The following CAPZB variants were observed in gnomAD, a reference collection of about 807,000 sequenced individuals.
The protein encoded by CAPZB is capping actin protein of muscle Z-line subunit beta, also known as F-actin-capping protein subunit beta.
CAPZB carries 2 observed loss-of-function variants against 38.1 expected under a neutral mutation model. That is an observed-to-expected ratio of 0.05 (90% CI 0.02 to 0.17). The LOEUF (loss-of-function observed/expected upper bound fraction) is 0.17, where lower values mean the gene tolerates loss of function less well. Among genes scored for constraint, CAPZB ranks in the 10% least tolerant of loss-of-function variants. The pLI, the probability that CAPZB is intolerant of heterozygous loss-of-function variation, is 1.00. For missense variants in CAPZB, 161 were observed against 334.2 expected, an observed-to-expected ratio of 0.48 and a Z score of 4.04; for synonymous variants, 107 against 127.4, an observed-to-expected ratio of 0.84 and a Z score of 1.08.
At chr1:19,440,805 A>G (rs2094473504) in intron 1 of CAPZB, among the ~76,000 whole-genome samples, 1 of 152,230 alleles carries the variant, frequency 6.6e-6, no homozygotes, top group Non-Finnish European at 1.5e-5. Flanking sequence ...TCACGCCTGT[A>G]ATCCCAGCAC....
chr1:19,387,555 G>C (rs2094210564), intron 2 of CAPZB, among the ~76,000 whole-genome samples: 1 of 152,204 alleles, frequency 6.6e-6, no homozygotes, highest in African/African-American at 2.4e-5. Context: ...TGCTGCCTTG[G>C]CTTATCTGTT....
At position 19,449,169 on chromosome 1, in the gene CAPZB, T is replaced by A. The variant is rs1570302786; in HGVS notation, c.4-29419A>T. 2.3e-6 allele frequency: 3 copies of A among 1,298,538 alleles called. No homozygotes were observed. In the East Asian group the frequency reaches 9.3e-5, roughly 40 times the overall value. The allele number at this position is 1,298,538 out of a possible 1,614,324, so 80.4% of individuals were successfully genotyped here. A position where few individuals can be genotyped will look rare whatever the true frequency, so the allele number is the denominator to read the frequency against. On this transcript the variant is annotated intron_variant, in intron 1 of 8. Coordinates refer to ENST00000264202, the MANE Select transcript of CAPZB (RefSeq NM_004930.5). Reference sequence around the variant, plus strand: ...TCTGTAAGGCTGATAACGCACAAAGTGCACTGCGGTGTCTCTGAGCAGGCC... The same window carrying A: ...TCTGTAAGGCTGATAACGCACAAAGAGCACTGCGGTGTCTCTGAGCAGGCC...
intron 1 of CAPZB, among the ~76,000 whole-genome samples, chr1:19,425,794 G>GA (rs1396649982): frequency 2.0e-5 from 3 of 152,180 alleles, no homozygotes. Flanking sequence ...CTGCATACAG[G>GA]AAAACTTGGC....
chr1:19,365,207 A>C (rs776861302), intron 4 of CAPZB, among the ~76,000 whole-genome samples: 1 of 152,172 alleles, frequency 6.6e-6, no homozygotes, highest in Non-Finnish European at 1.5e-5. Context: ...AGAACTTGGT[A>C]GACTGGACCC....
chr1:19,392,875 A>G (rs900959588), intron 2 of CAPZB, among the ~76,000 whole-genome samples: 2 of 152,248 alleles, frequency 1.3e-5, no homozygotes, highest in African/African-American at 4.8e-5. Context: ...ACATGCTGGG[A>G]AAGGCCTCCC....
chr1:19,431,557 T>TAA (rs534456957), intron 1 of CAPZB, among the ~76,000 whole-genome samples: 2,374 of 149,848 alleles, frequency 0.016, 30 homozygotes, highest in Admixed American at 0.027. Flanking sequence ...CCGTCTCTAC[T>TAA]AAAAATACAA....
intron 4 of CAPZB, among the ~76,000 whole-genome samples, chr1:19,375,986 C>T (rs912722961): frequency 1.3e-5 from 2 of 152,114 alleles, no homozygotes; most frequent in African/African-American, 4.8e-5. Context: ...CATATGTGAA[C>T]GATGAGATGG....
chr1:19,475,120 G>A (rs1271179141), intron 1 of CAPZB, among the ~76,000 whole-genome samples: 2 of 152,120 alleles, frequency 1.3e-5, no homozygotes, highest in Non-Finnish European at 1.5e-5. Context: ...TAATAACATC[G>A]TGTTGTGGTT....
chr1:19,416,732 C>A (rs2094380868), intron 2 of CAPZB, among the ~76,000 whole-genome samples: 1 of 151,602 alleles, frequency 6.6e-6, no homozygotes, highest in African/African-American at 2.4e-5. Context: ...TGGTGGTGGG[C>A]GCCTGTTGTC....
chr1:19,339,234 G>C lies in CAPZB; in HGVS notation c.*296C>G. The C allele has an allele frequency of 2.4e-6, 1 of 412,932 alleles. No homozygotes were observed. The highest frequency in any genetic ancestry group is 4.4e-6 in the Non-Finnish European group (1 of 228,304). The allele number at this position is 412,932 out of a possible 1,614,324, so 25.6% of individuals were successfully genotyped here. ...GAGGCTGGCAGACAGTGGATTTTAT[G>C]CCTATAAATGGGGGGACAGGGAGGA... On this transcript the variant is annotated 3_prime_UTR_variant, in exon 9 of 9. Coordinates refer to ENST00000264202, the MANE Select transcript of CAPZB (RefSeq NM_004930.5).
intron 6 of CAPZB, among the ~76,000 whole-genome samples, chr1:19,351,657 C>A (rs1312097946): frequency 6.6e-6 from 1 of 152,206 alleles, no homozygotes; most frequent in African/African-American, 2.4e-5. Flanking sequence ...GGTCACACAG[C>A]TGGAAAGTTC....
chr1:19,367,099 C>T (rs2094092986), intron 4 of CAPZB, among the ~76,000 whole-genome samples: 1 of 152,378 alleles, frequency 6.6e-6, no homozygotes, highest in East Asian at 1.9e-4. Flanking sequence ...AGCGCATCCC[C>T]TGTCCAATGG....
chr1:19,428,676 T>A (rs916588229), intron 1 of CAPZB, among the ~76,000 whole-genome samples: 4 of 152,090 alleles, frequency 2.6e-5, no homozygotes, highest in East Asian at 3.9e-4. Flanking sequence ...TTTTGCCAGG[T>A]TGCACAGATA....
chr1:19,404,246 A>T, intron 2 of CAPZB, among the ~76,000 whole-genome samples: 1 of 150,880 alleles, frequency 6.6e-6, no homozygotes, highest in Non-Finnish European at 1.5e-5. Flanking sequence ...AAAAAAAAAA[A>T]AAAAAAAAAA....
At chr1:19,398,762 G>A (rs1368156770) in intron 2 of CAPZB, among the ~76,000 whole-genome samples, 1 of 152,094 alleles carries the variant, frequency 6.6e-6, no homozygotes, top group Non-Finnish European at 1.5e-5. Context: ...AGTGAGGCAG[G>A]GCTGGCAGTT....
intron 1 of CAPZB, among the ~76,000 whole-genome samples, chr1:19,425,759 A>G (rs1349119735): frequency 6.6e-6 from 1 of 152,232 alleles, no homozygotes; most frequent in Non-Finnish European, 1.5e-5. Flanking sequence ...CAGTGTTCAG[A>G]CATCCGACGG....
At chr1:19,461,829 G>A (rs1471895023) in intron 1 of CAPZB, among the ~76,000 whole-genome samples, 1 of 152,118 alleles carries the variant, frequency 6.6e-6, no homozygotes, top group Non-Finnish European at 1.5e-5. Flanking sequence ...CAGTTTTCTT[G>A]TCTCTAAAAC....
rs765175147 is a variant in CAPZB at position 19,470,210 on chromosome 1, C to T, written c.3+15226G>A. Among the ~76,000 whole-genome samples, 7 of 151,754 alleles carry T rather than the reference C, an allele frequency of 4.6e-5. No individual in the cohort carries two copies. In the East Asian group the frequency reaches 1.2e-3, roughly 25 times the overall value. On this transcript the variant is annotated intron_variant, in intron 1 of 8. Coordinates refer to ENST00000264202, the MANE Select transcript of CAPZB (RefSeq NM_004930.5). ...CTGTAGCCTGAGCAAAAGCATGAGA[C>T]GCTGTCGCCAAAAAATAAAAAATAA...
intron 1 of CAPZB, among the ~76,000 whole-genome samples, chr1:19,464,972 T>C (rs796525633): frequency 3.9e-5 from 6 of 152,266 alleles, no homozygotes; most frequent in Middle Eastern, 3.4e-3. Flanking sequence ...ATTGTGGTGG[T>C]GGCAACATGA....
Sources: allele counts gnomAD v4.1 joint callset (sites outside exome capture counted in the v4.1 genomes callset), GRCh38; gene constraint gnomAD v4.1.1; transcripts MANE v1.5; gene names NCBI Gene and HGNC (gene_info 2026-07-23, HGNC 2026-07-21).